Variants in SLC49A3 observed in about 807,000 individuals in gnomAD.
The protein encoded by SLC49A3 is solute carrier family 49 member 3, also known as solute carrier family 49 member A3.
SLC49A3 carries 50 observed loss-of-function variants against 43.8 expected under a neutral mutation model. That is an observed-to-expected ratio of 1.14 (90% CI 0.91 to 1.45). The LOEUF (loss-of-function observed/expected upper bound fraction) is 1.45, where lower values mean the gene tolerates loss of function less well. Among genes scored for constraint, SLC49A3 ranks in the 40% most tolerant of loss-of-function variants. The probability of loss-of-function intolerance (pLI) is 0.00; values close to 1 mark genes in which losing one functional copy is unlikely to be tolerated. For synonymous variants in SLC49A3, 413 were observed against 352.0 expected (o/e 1.17, Z -1.94); for missense variants, 906 against 774.1 (o/e 1.17, Z -2.02).
chr4:681,193 G>T, downstream of SLC49A3: 1 of 1,565,158 alleles, frequency 6.4e-7, no homozygotes, highest in South Asian at 1.2e-5. Flanking sequence ...GGGGCTCCCG[G>T]GGTCAGCTGG....
At chr4:686,327 G>A (rs374424948) in intron 2 of SLC49A3, 25 bp from the exon 3 acceptor site, 66 of 1,609,198 alleles carry the variant, frequency 4.1e-5, no homozygotes, top group Non-Finnish European at 5.4e-5. Flanking sequence ...TCGGGGACCG[G>A]GTCAGGAACG....
intron 2 of SLC49A3, 81 bp from the exon 3 acceptor site, chr4:686,383 C>T (rs1222348887): frequency 5.1e-6 from 8 of 1,577,018 alleles, no homozygotes; most frequent in Middle Eastern, 1.8e-4. Flanking sequence ...GCACCTGGAC[C>T]TCCCACTGCC....
chr4:677,040 G>A (rs550420208), downstream of SLC49A3: 109 of 525,886 alleles, frequency 2.1e-4, no homozygotes, highest in African/African-American at 1.3e-3. Context: ...ACACGGTGGC[G>A]CCCCCAGGGA....
At position 684,779 on chromosome 4, in the gene SLC49A3, G is replaced by T; in HGVS notation, c.663C>A (p.Thr221=). 6.2e-7 allele frequency: 1 copy of T among 1,612,544 alleles called. No homozygotes were observed. The highest frequency in any genetic ancestry group is 8.5e-7 in the Non-Finnish European group (1 of 1,179,886). Residue 221 remains threonine (T), a synonymous_variant, in exon 5 of 10, where the codon ACC becomes ACA. Transcript: ENST00000322224. ...AGCTGGCAGCCCCGGCAGAGGGCGGGGTGGGGGGCACACTCTCCCACAGGC... is the reference window on the plus strand; with the variant it reads ...AGCTGGCAGCCCCGGCAGAGGGCGGTGTGGGGGGCACACTCTCCCACAGGC... ...TICLWESVPP[T]PPSAGAASST...
At chr4:680,252 T>G (rs572304046), downstream of SLC49A3, among the ~76,000 whole-genome samples, 2 of 152,224 alleles carry the variant, frequency 1.3e-5, no homozygotes, top group Admixed American at 6.5e-5. Flanking sequence ...CCCTCACTCA[T>G]GCAGCACTCA....
chr4:689,353 C>T (rs992687173), upstream of SLC49A3: 2 of 314,874 alleles, frequency 6.4e-6, no homozygotes, highest in African/African-American at 4.4e-5. Flanking sequence ...TTGGACCCTC[C>T]TCCTTCGGCC....
downstream of SLC49A3, chr4:678,815 T>G (rs1560153086): frequency 1.2e-6 from 2 of 1,608,714 alleles, no homozygotes; most frequent in Non-Finnish European, 1.7e-6. Context: ...GAGCCTGTGC[T>G]GGGAAGACCC....
At chr4:678,165 CAT>C (rs771171750), downstream of SLC49A3, 23 of 1,543,028 alleles carry the variant, frequency 1.5e-5, no homozygotes, top group African/African-American at 6.9e-5. Context: ...GCTCTGCCTG[CAT>C]ATGTGTGTGC....
rs371408508 is a variant in SLC49A3, at chr4:683,383, C to A, written c.994-16G>T. 23 of 1,603,196 alleles carry A rather than the reference C, an allele frequency of 1.4e-5. No individual in the cohort carries two copies. The Admixed American group carries it at 3.9e-4, about 27-fold the overall frequency. On this transcript the variant is annotated splice_polypyrimidine_tract_variant and intron_variant, in intron 7 of 9. Transcript: ENST00000322224. Reference sequence around the variant, plus strand: ...GCTGGGACACCTGGGAGCAGCGGAACGGCAGGCAGACAGGTGGAGGGGGTG... The same window carrying A: ...GCTGGGACACCTGGGAGCAGCGGAAAGGCAGGCAGACAGGTGGAGGGGGTG...
chr4:680,657 G>A (rs1374050428), downstream of SLC49A3: 3 of 1,517,078 alleles, frequency 2.0e-6, no homozygotes, highest in African/African-American at 1.4e-5. Context: ...GTCCCAAAAG[G>A]GACAGTCAGC....
intron 1 of SLC49A3, among the ~76,000 whole-genome samples, chr4:686,935 C>G (rs1293788476): frequency 6.6e-6 from 1 of 152,234 alleles, no homozygotes. Context: ...GACACTGAGG[C>G]CAAGGACCTG....
Position 682,837 on chromosome 4 carries a change from C to T in SLC49A3, c.1205G>A (p.Arg402His), listed in dbSNP as rs749414104. ...MLAMTALTVR[R>H]SEPSLSTCQQ... ...GCAGGTGGACAAGGACGGCTCCGAG[C>T]GTCGCACAGTCAGTGCCGTCATTGC... The change falls in exon 9 of 10, where the codon CGC becomes CAC. Residue 402 changes from arginine (R) to histidine (H), a missense_variant. Coordinates refer to ENST00000322224, the MANE Select transcript of SLC49A3 (RefSeq NM_032219.4). The T allele has an allele frequency of 5.6e-6, 9 of 1,604,154 alleles. No homozygotes were observed. The highest frequency in any genetic ancestry group is 4.4e-5 in the South Asian group (4 of 90,148).
chr4:681,236 C>T (rs1449757169), downstream of SLC49A3: 3 of 1,451,984 alleles, frequency 2.1e-6, no homozygotes, highest in Non-Finnish European at 1.9e-6. Context: ...AGGAGCAGCG[C>T]CGCGGTTAGG....
chr4:689,038 C>G lies in SLC49A3; in HGVS notation c.90G>C (p.Trp30Cys). 2 of 1,590,090 alleles carry G rather than the reference C, an allele frequency of 1.3e-6. No individual in the cohort carries two copies. Among genetic ancestry groups the G allele is most frequent in the East Asian group, 4.8e-5 (2 of 41,318 alleles). Reference protein sequence around the residue: ...QRGHRTYARRWVFLLAISLLN... With the variant: ...QRGHRTYARRCVFLLAISLLN... ...GCAGGCTGATCGCGAGCAGGAACAC[C>G]CAGCGGCGCGCGTAGGTGCGGTGGC... Residue 30 changes from tryptophan to cysteine, a missense_variant, in exon 1 of 10, where the codon TGG becomes TGC. Transcript: ENST00000322224.
At chr4:682,995 C>T in intron 8 of SLC49A3, 105 bp from the exon 9 acceptor site, 2 of 1,167,716 alleles carry the variant, frequency 1.7e-6, no homozygotes, top group Admixed American at 2.3e-5. Context: ...TGCCACCACC[C>T]TCCTGAAGGC....
Position 682,366 on chromosome 4 carries a change from C to T in SLC49A3, c.1272G>A (p.Leu424=), listed in dbSNP as rs1048963051. Residue 424 remains leucine, a synonymous_variant, in exon 10 of 10, where the codon CTG becomes CTA. Coordinates refer to ENST00000322224, the MANE Select transcript of SLC49A3 (RefSeq NM_032219.4). Reference sequence around the variant, plus strand: ...AGAAGGTGCACAGGCCGGCCATCAGCAGCAGAGACACTGGGGACACATAGC... The same window carrying T: ...AGAAGGTGCACAGGCCGGCCATCAGTAGCAGAGACACTGGGGACACATAGC... The part of the protein sequence containing the change: ...EDPLDWTVSL[L]LMAGLCTFFS... 1.3e-5 allele frequency: 18 copies of T among 1,336,806 alleles called. No individual in the cohort carries two copies. Among genetic ancestry groups the T allele is most frequent in the South Asian group, 2.5e-5 (1 of 40,690 alleles). 82.8% of individuals were successfully genotyped at this position (1,336,806 alleles called of 1,614,324 possible).
intron 1 of SLC49A3, 114 bp downstream of exon 1, chr4:688,879 C>A (rs1290171336): frequency 9.2e-6 from 13 of 1,412,526 alleles, no homozygotes; most frequent in Admixed American, 9.1e-5. Flanking sequence ...CAGAAGGCAC[C>A]CCCCGCCCCC....
upstream of SLC49A3, among the ~76,000 whole-genome samples, chr4:690,864 C>T (rs914702424): frequency 2.0e-5 from 3 of 152,242 alleles, no homozygotes; most frequent in African/African-American, 7.2e-5. Flanking sequence ...ACACAACAAT[C>T]GCTTGCATTG....
At position 681,980 on chromosome 4, in the gene SLC49A3, G is replaced by A. The variant is rs1739774591; in HGVS notation, c.1658C>T (p.Ser553Phe). 2.9e-6 allele frequency: 4 copies of A among 1,403,146 alleles called. No individual in the cohort carries two copies. The highest frequency in any genetic ancestry group is 2.7e-5 in the Admixed American group (1 of 36,728). The allele number at this position is 1,403,146 out of a possible 1,614,324, so 86.9% of individuals were successfully genotyped here. A position where few individuals can be genotyped will look rare whatever the true frequency, so the allele number is the denominator to read the frequency against. Residue 553 changes from serine (S) to phenylalanine (F), a missense_variant, in exon 10 of 10, where the codon TCC becomes TTC. By Grantham distance (155) the Ser-to-Phe change is radical (BLOSUM62 -2). Transcript: ENST00000322224. ...CAGCTACGTGATCACCCACGGGGAG[G>A]AGAAGGAGGAGTGAGACCCAGCCGG... ...IDPAGSHSSF[S>F]SPWVIT is the part of the protein sequence containing the mutation.
Sources: allele counts gnomAD v4.1 joint callset (sites outside exome capture counted in the v4.1 genomes callset), GRCh38; gene constraint gnomAD v4.1.1; transcripts MANE v1.5; gene names NCBI Gene and HGNC (gene_info 2026-07-23, HGNC 2026-07-21).